Variants in CD200R1 observed in about 807,000 individuals in gnomAD.
The protein encoded by CD200R1 is cell surface glycoprotein CD200 receptor 1.
Under a neutral mutation model 38.1 loss-of-function variants are expected in CD200R1, and 30 were observed. The ratio of observed to expected loss-of-function variants is 0.79; its 90% CI spans 0.59 to 1.07. The LOEUF is 1.07. Among genes scored for constraint, CD200R1 ranks in the 50% least tolerant of loss-of-function variants. The probability of loss-of-function intolerance (pLI) is 0.00; values close to 1 mark genes in which losing one functional copy is unlikely to be tolerated. For missense variants in CD200R1, 372 were observed against 415.4 expected, an observed-to-expected ratio of 0.90 and a Z score of 0.91; for synonymous variants, 128 against 152.1, an observed-to-expected ratio of 0.84 and a Z score of 1.16.
intron 5 of CD200R1, 67 bp downstream of exon 5, chr3:112,928,749 T>A (rs1940337918): frequency 8.1e-7 from 1 of 1,241,712 alleles, no homozygotes; most frequent in South Asian, 1.5e-5. Context: ...TTTGCACATC[T>A]TTTTTTTTCT....
At position 112,922,474 on chromosome 3, in the gene CD200R1, T is replaced by C. The variant is rs1940193368; in HGVS notation, c.*1203A>G. 1 of 152,024 alleles carries C rather than the reference T, an allele frequency of 6.6e-6. No individual in the cohort carries two copies. Among genetic ancestry groups the C allele is most frequent in the Non-Finnish European group, 1.5e-5 (1 of 67,924 alleles). 9.4% of individuals were successfully genotyped at this position (152,024 alleles called of 1,614,324 possible). A position where few individuals can be genotyped will look rare whatever the true frequency, so the allele number is the denominator to read the frequency against. ...GTAAATAAATACCCCATGTCCTCTA[T>C]GGTGCATTTTTCGCCACTTATATGG... On this transcript the variant is annotated 3_prime_UTR_variant, in exon 8 of 8. Coordinates refer to ENST00000308611, the MANE Select transcript of CD200R1 (RefSeq NM_138806.4).
At chr3:112,965,472 T>C (rs1234916021) in intron 1 of CD200R1, among the ~76,000 whole-genome samples, 1 of 152,052 alleles carries the variant, frequency 6.6e-6, no homozygotes, top group Non-Finnish European at 1.5e-5. Context: ...ATCAAGAAGA[T>C]ATTTAACAGG....
At chr3:112,930,399 A>G (rs954643558) in intron 3 of CD200R1, among the ~76,000 whole-genome samples, 1 of 152,210 alleles carries the variant, frequency 6.6e-6, no homozygotes, top group Non-Finnish European at 1.5e-5. Flanking sequence ...CTTAGCTCAC[A>G]GATTTTATTT....
intron 5 of CD200R1, 131 bp from the exon 6 acceptor site, chr3:112,925,324 T>A: frequency 1.8e-6 from 1 of 566,636 alleles, no homozygotes; most frequent in South Asian, 2.4e-5. Context: ...TGTATGTTAC[T>A]AAGTGAAACA....
intron 2 of CD200R1, among the ~76,000 whole-genome samples, chr3:112,934,227 A>G (rs1177421880): frequency 1.3e-5 from 2 of 152,178 alleles, no homozygotes; most frequent in African/African-American, 4.8e-5. Context: ...AATGATAAAA[A>G]CACGCAAGAG....
intron 6 of CD200R1, 103 bp from the exon 7 acceptor site, chr3:112,924,638 G>T: frequency 1.5e-6 from 1 of 659,380 alleles, no homozygotes; most frequent in Non-Finnish European, 2.1e-6. Flanking sequence ...GTTTAATTTT[G>T]ATAGAAGCCA....
chr3:112,923,232 T>C lies in CD200R1; in HGVS notation c.*445A>G, dbSNP rs1940209904. On this transcript the variant is annotated 3_prime_UTR_variant, in exon 8 of 8. Transcript: ENST00000308611. ...CAGTAATGCAGTGTATTGTTCCCAC[T>C]GGTGCCTTGACAAAGATATGTGCAT... 1 of 153,536 alleles carries C rather than the reference T, an allele frequency of 6.5e-6. No homozygotes were observed. The highest frequency in any genetic ancestry group is 2.4e-5 in the African/African-American group (1 of 41,434). 9.5% of individuals were successfully genotyped at this position (153,536 alleles called of 1,614,324 possible).
rs1385052715 is a variant in CD200R1 at position 112,927,354 on chromosome 3, CAGCCCCAGAGAAA to C, written c.769+1449_769+1461del. Among the ~76,000 whole-genome samples the C allele has an allele frequency of 3.9e-5, 6 of 152,246 alleles. No homozygotes were observed. The East Asian group carries it at 1.2e-3, about 29-fold the overall frequency. The stretch of plus-strand genomic sequence containing the variant: ...TGAGTTAATTTCTGCAGAGCCTGAA[CAGCCCCAGAGAAA>C]AGGCCTTCAGATACATAACAAATCT... On this transcript the variant is annotated intron_variant, in intron 5 of 7. Coordinates refer to ENST00000308611, the MANE Select transcript of CD200R1 (RefSeq NM_138806.4).
intron 1 of CD200R1, among the ~76,000 whole-genome samples, chr3:112,964,111 A>T (rs1191043487): frequency 6.6e-6 from 1 of 152,196 alleles, no homozygotes; most frequent in African/African-American, 2.4e-5. Context: ...ATTTCAGAGG[A>T]TGTACAGTAA....
intron 2 of CD200R1, among the ~76,000 whole-genome samples, chr3:112,932,713 A>C (rs766829899): frequency 3.3e-5 from 5 of 152,050 alleles, no homozygotes. Flanking sequence ...CCAGACCTAC[A>C]TATCAGTTCC....
Position 112,974,847 on chromosome 3 carries a change from G to A in CD200R1, c.11C>T (p.Pro4Leu). 1.2e-6 allele frequency: 2 copies of A among 1,613,250 alleles called. No homozygotes were observed. Among genetic ancestry groups the A allele is most frequent in the Non-Finnish European group, 1.7e-6 (2 of 1,179,414 alleles). Reference sequence around the variant, plus strand: ...TAGCCCTAGGTTAGCAGTTCTCCAAGGGCAGAGCATTTCTGTTTTCTCTTT... The same window carrying A: ...TAGCCCTAGGTTAGCAGTTCTCCAAAGGCAGAGCATTTCTGTTTTCTCTTT... MLC[P>L]WRTANLGLLL... is the part of the protein sequence containing the mutation. The change falls in exon 1 of 8, where the codon CCT becomes CTT. Residue 4 changes from proline (P) to leucine (L), a missense_variant. By Grantham distance (98) the Pro-to-Leu change is moderately conservative (BLOSUM62 -3). Coordinates refer to ENST00000308611, the MANE Select transcript of CD200R1 (RefSeq NM_138806.4).
At chr3:112,962,215 C>T (rs1004497451) in intron 1 of CD200R1, among the ~76,000 whole-genome samples, 2 of 152,014 alleles carry the variant, frequency 1.3e-5, no homozygotes, top group Non-Finnish European at 2.9e-5. Context: ...CAATTACTGT[C>T]ACAAACTCCA....
At chr3:112,938,408 A>G (rs1487560170) in intron 2 of CD200R1, among the ~76,000 whole-genome samples, 2 of 152,134 alleles carry the variant, frequency 1.3e-5, no homozygotes, top group African/African-American at 2.4e-5. Flanking sequence ...TAATAAAATC[A>G]GAAACAAAAA....
chr3:112,938,253 A>T (rs1470045399), intron 2 of CD200R1, among the ~76,000 whole-genome samples: 1 of 152,132 alleles, frequency 6.6e-6, no homozygotes, highest in Non-Finnish European at 1.5e-5. Context: ...GAGAGAGGGC[A>T]TCCTTGTCTT....
rs1252767522 is a variant in CD200R1, at chr3:112,928,885, C to T, written c.700G>A (p.Val234Met). 7.4e-6 allele frequency: 12 copies of T among 1,613,958 alleles called. No individual in the cohort carries two copies. The highest frequency in any genetic ancestry group is 1.7e-4 in the Middle Eastern group (1 of 5,960). The change falls in exon 5 of 8, where the codon GTG (valine) becomes ATG (methionine). Residue 234 changes from valine (V) to methionine (M), a missense_variant. Coordinates refer to ENST00000308611, the MANE Select transcript of CD200R1 (RefSeq NM_138806.4). ...GAGACGTGGCAGGTCACGGTAGACA[C>T]ATTGTGGACCTCCCAGTGGCATGTA... is the stretch of plus-strand genomic sequence containing the variant. ...KSTCHWEVHN[V>M]STVTCHVSHL...
chr3:112,970,924 T>C (rs1933292646), intron 1 of CD200R1, among the ~76,000 whole-genome samples: 1 of 152,204 alleles, frequency 6.6e-6, no homozygotes, highest in Admixed American at 6.5e-5. Flanking sequence ...CTATCTTTTA[T>C]AGACTGGAAA....
At chr3:112,930,648 C>G (rs577199408) in intron 3 of CD200R1, among the ~76,000 whole-genome samples, 17 of 152,320 alleles carry the variant, frequency 1.1e-4, no homozygotes, top group Admixed American at 6.5e-4. Flanking sequence ...GATTTCATCA[C>G]TATAGCATAA....
At chr3:112,936,646 G>A (rs1940590511) in intron 2 of CD200R1, among the ~76,000 whole-genome samples, 2 of 151,716 alleles carry the variant, frequency 1.3e-5, no homozygotes, top group African/African-American at 4.8e-5. Context: ...CTTTTTAATG[G>A]GGTTCTTTTT....
At chr3:112,966,056 GA>G (rs1376691627) in intron 1 of CD200R1, among the ~76,000 whole-genome samples, 1 of 152,198 alleles carries the variant, frequency 6.6e-6, no homozygotes, top group Non-Finnish European at 1.5e-5. Flanking sequence ...AGAGCTCAGG[GA>G]ATGGCAGCTT....
Sources: allele counts gnomAD v4.1 joint callset (sites outside exome capture counted in the v4.1 genomes callset), GRCh38; gene constraint gnomAD v4.1.1; transcripts MANE v1.5; gene names NCBI Gene and HGNC (gene_info 2026-07-23, HGNC 2026-07-21).